The following PDS5A variants were observed in gnomAD, a reference collection of about 807,000 sequenced individuals.
The protein encoded by PDS5A is sister chromatid cohesion protein PDS5 homolog A.
A neutral mutation model predicts 167.1 loss-of-function variants in PDS5A; 42 were observed. The observed-to-expected ratio is 0.25, with a 90% confidence interval of 0.20 to 0.33. The LOEUF is 0.33. Ranked by LOEUF, PDS5A falls within the 10% of genes least tolerant of loss-of-function variation. The probability of loss-of-function intolerance (pLI) is 1.00; values close to 1 mark genes in which losing one functional copy is unlikely to be tolerated. For synonymous variants in PDS5A, 553 were observed against 554.6 expected, an observed-to-expected ratio of 1.00 and a Z score of 0.04; for missense variants, 1,033 against 1,605.9, an observed-to-expected ratio of 0.64 and a Z score of 6.10.
At chr4:39,869,625 A>G (rs1187769450) in intron 21 of PDS5A, among the ~76,000 whole-genome samples, 163 bp from the exon 22 acceptor site, 3 of 152,190 alleles carry the variant, frequency 2.0e-5, no homozygotes, top group Non-Finnish European at 4.4e-5. Context: ...ATACTTCCCA[A>G]TTTTGAAACT....
chr4:39,910,456 T>C, intron 9 of PDS5A, 118 bp from the exon 10 acceptor site: 1 of 610,212 alleles, frequency 1.6e-6, no homozygotes, highest in South Asian at 2.0e-5. Context: ...GAAAATTTGT[T>C]ATGAGCTAAG....
chr4:39,970,335 T>G (rs753069761), intron 2 of PDS5A, among the ~76,000 whole-genome samples: 6 of 151,642 alleles, frequency 4.0e-5, no homozygotes, highest in Non-Finnish European at 5.9e-5. Flanking sequence ...GAAACAGGAA[T>G]GAAAAGCTCT....
At chr4:39,906,098 G>A (rs1188752490) in intron 11 of PDS5A, among the ~76,000 whole-genome samples, 3 of 152,084 alleles carry the variant, frequency 2.0e-5, no homozygotes, top group Admixed American at 6.5e-5. Context: ...ACAGGCTCAC[G>A]CCTGTAATCT....
rs1244156710 is a variant in PDS5A at position 39,898,419 on chromosome 4, G to A, written c.1740C>T (p.Thr580=). 2 of 1,586,768 alleles carry A rather than the reference G, an allele frequency of 1.3e-6. No individual in the cohort carries two copies. The highest frequency in any genetic ancestry group is 2.7e-5 in the African/African-American group (2 of 74,246). ...RSQLELLISP[T]CSCKQADICV... ...AAATATCTGCTTGTTTGCAAGAACA[G>A]GTTGGGCTAATTAATAACTCCAACT... The change falls in exon 16 of 33, where the codon ACC becomes ACT. Residue 580 remains threonine (T), a synonymous_variant. Coordinates refer to ENST00000303538, the MANE Select transcript of PDS5A (RefSeq NM_001100399.2).
rs369140531 is a variant in PDS5A at position 39,827,004 on chromosome 4, G to T, written c.4011-1516C>A. On this transcript the variant is annotated intron_variant, in intron 32 of 32. Coordinates refer to ENST00000303538, the MANE Select transcript of PDS5A (RefSeq NM_001100399.2). ...GCAATTTTAACAATATGCTATTAAA[G>T]AATTTTTTTTTTTTTGAGGCAGAGT... Among the ~76,000 whole-genome samples, 549 of 151,600 alleles carry T rather than the reference G, an allele frequency of 3.6e-3. 5 individuals carry two copies. Among genetic ancestry groups the T allele is most frequent in the African/African-American group, 0.013 (523 of 41,352 alleles).
chr4:39,914,623 A>T (rs1724191861), intron 8 of PDS5A, among the ~76,000 whole-genome samples: 1 of 152,238 alleles, frequency 6.6e-6, no homozygotes, highest in Admixed American at 6.5e-5. Flanking sequence ...GTTTTCTAGT[A>T]AGATTATATT....
intron 2 of PDS5A, among the ~76,000 whole-genome samples, chr4:39,931,031 G>T (rs761065745): frequency 3.5e-4 from 53 of 152,204 alleles, no homozygotes; most frequent in Non-Finnish European, 3.5e-4. Flanking sequence ...AGAAGGGCTG[G>T]ATGTGATGGC....
At chr4:39,856,436 T>C (rs991367295) in intron 26 of PDS5A, among the ~76,000 whole-genome samples, 15 of 152,096 alleles carry the variant, frequency 9.9e-5, no homozygotes, top group Non-Finnish European at 2.9e-5. Context: ...AATAAGTAAA[T>C]CTGGTGAAAG....
Position 39,976,436 on chromosome 4 carries a change from T to C in PDS5A, c.138+4A>G. 2 of 1,610,812 alleles carry C rather than the reference T, an allele frequency of 1.2e-6. No homozygotes were observed. Among genetic ancestry groups the C allele is most frequent in the East Asian group, 2.2e-5 (1 of 44,750 alleles). ...AAGACATCAAAATCCGTCCAGACAC[T>C]TACCTTCAGGCGTTTGATCATCTCG... On this transcript the variant is annotated splice_donor_region_variant and intron_variant, in intron 2 of 32. Coordinates refer to ENST00000303538, the MANE Select transcript of PDS5A (RefSeq NM_001100399.2).
At position 39,891,573 on chromosome 4, in the gene PDS5A, G is replaced by C. The variant is rs548759389; in HGVS notation, c.1771-1209C>G. On this transcript the variant is annotated intron_variant, in intron 16 of 32. Transcript: ENST00000303538. ...TGAGGCAGGAGAATTGCTTGAACCTGGGAGGCGGAGGCTGCGGTGAGCTGA... is the reference window on the plus strand; with the variant it reads ...TGAGGCAGGAGAATTGCTTGAACCTCGGAGGCGGAGGCTGCGGTGAGCTGA... Among the ~76,000 whole-genome samples the C allele has an allele frequency of 2.3e-4, 35 of 151,886 alleles. No homozygotes were observed. The Middle Eastern group carries it at 0.014, about 59-fold the overall frequency.
intron 2 of PDS5A, among the ~76,000 whole-genome samples, chr4:39,937,598 T>G: frequency 6.6e-6 from 1 of 152,088 alleles, no homozygotes; most frequent in Non-Finnish European, 1.5e-5. Context: ...TTATTATTAT[T>G]GGTAGAGATG....
chr4:39,905,103 T>G (rs1723218826), intron 11 of PDS5A, among the ~76,000 whole-genome samples: 1 of 151,892 alleles, frequency 6.6e-6, no homozygotes, highest in Non-Finnish European at 1.5e-5. Flanking sequence ...CTTGGGGAAC[T>G]GACTACCCAG....
intron 13 of PDS5A, among the ~76,000 whole-genome samples, chr4:39,901,820 A>G (rs1222607828): frequency 6.6e-6 from 1 of 152,134 alleles, no homozygotes; most frequent in East Asian, 1.9e-4. Flanking sequence ...TAATATATGT[A>G]TATATTGTAA....
At chr4:39,877,635 T>A (rs962016564) in intron 18 of PDS5A, among the ~76,000 whole-genome samples, 2 of 152,180 alleles carry the variant, frequency 1.3e-5, no homozygotes, top group African/African-American at 4.8e-5. Context: ...AGAATTTTTT[T>A]TTTTCTTTTT....
intron 8 of PDS5A, among the ~76,000 whole-genome samples, chr4:39,914,551 T>C (rs975218364): frequency 6.6e-6 from 1 of 152,116 alleles, no homozygotes; most frequent in Non-Finnish European, 1.5e-5. Context: ...TTAATAGCAA[T>C]GCAAGAATCA....
intron 26 of PDS5A, among the ~76,000 whole-genome samples, chr4:39,858,240 T>A (rs563023587): frequency 1.6e-4 from 24 of 152,240 alleles, no homozygotes; most frequent in Non-Finnish European, 2.9e-4. Context: ...AAATGCAACC[T>A]AAAATTCACA....
At chr4:39,862,844 A>G (rs1719114430) in intron 25 of PDS5A, 25 bp downstream of exon 25, 1 of 1,421,408 alleles carries the variant, frequency 7.0e-7, no homozygotes, top group Admixed American at 1.7e-5. Flanking sequence ...ATATATTTGC[A>G]CACGGAGAAC....
intron 16 of PDS5A, among the ~76,000 whole-genome samples, chr4:39,896,903 C>CT (rs35055129): frequency 0.18 from 25,586 of 144,900 alleles, 2,250 homozygotes; most frequent in East Asian, 0.29. Context: ...CCGTTATAAT[C>CT]TTTTTTTTTT....
chr4:39,974,914 C>T (rs1730934884), intron 2 of PDS5A, among the ~76,000 whole-genome samples: 2 of 151,910 alleles, frequency 1.3e-5, no homozygotes, highest in African/African-American at 4.8e-5. Context: ...AGATCGAGAC[C>T]AAAGTGACCA....
Sources: allele counts gnomAD v4.1 joint callset (sites outside exome capture counted in the v4.1 genomes callset), GRCh38; gene constraint gnomAD v4.1.1; transcripts MANE v1.5; gene names NCBI Gene and HGNC (gene_info 2026-07-23, HGNC 2026-07-21).